Variants in ACAT1 observed in about 807,000 individuals in gnomAD.
ACAT1 encodes the protein acetyl-CoA acetyltransferase 1.
In ACAT1, 28 loss-of-function variants were observed where a neutral mutation model predicts 47.3. That is an observed-to-expected ratio of 0.59 (90% CI 0.44 to 0.81). The LOEUF (loss-of-function observed/expected upper bound fraction) is 0.81, where lower values mean the gene tolerates loss of function less well. Among genes scored for constraint, ACAT1 ranks in the 30% least tolerant of loss-of-function variants. The probability of loss-of-function intolerance (pLI) is 0.00; values close to 1 mark genes in which losing one functional copy is unlikely to be tolerated. For synonymous variants in ACAT1, 181 were observed against 173.6 expected (o/e 1.04, Z -0.34); for missense variants, 469 against 524.3 (o/e 0.89, Z 1.03).
intron 10 of ACAT1, among the ~76,000 whole-genome samples, chr11:108,145,563 T>C (rs754394555): frequency 3.3e-5 from 5 of 151,654 alleles, no homozygotes; most frequent in South Asian, 2.1e-4. Context: ...AAAAAGAATA[T>C]AGAACCAAGC....
At chr11:108,142,301 G>T in intron 8 of ACAT1, 136 bp from the exon 9 acceptor site, 1 of 723,214 alleles carries the variant, frequency 1.4e-6, no homozygotes. Flanking sequence ...TGTTTCCTGA[G>T]GGCAGGAATT....
Position 108,139,048 on chromosome 11 carries a change from G to A in ACAT1, c.579+7G>A, listed in dbSNP as rs1487734239. 6.2e-7 allele frequency: 1 copy of A among 1,613,992 alleles called. No individual in the cohort carries two copies. Among genetic ancestry groups the A allele is most frequent in the Non-Finnish European group, 8.5e-7 (1 of 1,179,914 alleles). ...CTACAATAAAATTCATATGGTAAAT[G>A]TGATTTTTAGTGGATAAATGCTATC... On this transcript the variant is annotated splice_region_variant and intron_variant, in intron 6 of 11. Coordinates refer to ENST00000265838, the MANE Select transcript of ACAT1 (RefSeq NM_000019.4).
At chr11:108,144,234 A>C in intron 10 of ACAT1, 187 bp downstream of exon 10, 1 of 643,838 alleles carries the variant, frequency 1.6e-6, no homozygotes, top group African/African-American at 1.8e-5. Flanking sequence ...AAAAAAAATA[A>C]AGAACAGCTC....
chr11:108,142,526 G>A lies in ACAT1; in HGVS notation c.916G>A (p.Val306Ile). The change falls in exon 9 of 12, where the codon GTT (valine) becomes ATT (isoleucine). Residue 306 changes from valine to isoleucine, a missense_variant. Transcript: ENST00000265838. ...GGCAGATGCAGCGAAGAGGCTCAAT[G>A]TTACACCACTGGCAAGAATAGTAGG... ...MTADAAKRLN[V>I]TPLARIVAFA... The A allele has an allele frequency of 6.2e-7, 1 of 1,614,130 alleles. No individual in the cohort carries two copies. Among genetic ancestry groups the A allele is most frequent in the Non-Finnish European group, 8.5e-7 (1 of 1,179,996 alleles).
At chr11:108,136,168 C>T in intron 5 of ACAT1, 1 of 585,396 alleles carries the variant, frequency 1.7e-6, no homozygotes, top group Non-Finnish European at 3.0e-6. Context: ...GATCTGAGCC[C>T]TTCATTTTTC....
At chr11:108,125,793 G>A (rs915792229) in intron 1 of ACAT1, among the ~76,000 whole-genome samples, 15 of 152,090 alleles carry the variant, frequency 9.9e-5, no homozygotes, top group Non-Finnish European at 2.1e-4. Context: ...AGGCGTGGTG[G>A]CGGGCGCTTG....
Position 108,144,218 on chromosome 11 carries a change from C to CA in ACAT1, c.1005+184dup, listed in dbSNP as rs113949535. ...GAGTAAGAGCAACAAGGATAACAAA[C>CA]AAAAAAAAAAAAATAAAGAACAGCT... is the stretch of plus-strand genomic sequence containing the variant. On this transcript the variant is annotated intron_variant, in intron 10 of 11. Transcript: ENST00000265838. 0.035 allele frequency: 16,713 copies of CA among 480,100 alleles called. 402 individuals are homozygous for CA. The highest frequency in any genetic ancestry group is 0.16 in the African/African-American group (7,065 of 44,520). 29.7% of individuals were successfully genotyped at this position (480,100 alleles called of 1,614,324 possible). A position where few individuals can be genotyped will look rare whatever the true frequency, so the allele number is the denominator to read the frequency against.
intron 1 of ACAT1, among the ~76,000 whole-genome samples, chr11:108,129,373 C>T (rs1029934818): frequency 1.3e-5 from 2 of 151,942 alleles, no homozygotes; most frequent in Non-Finnish European, 2.9e-5. Flanking sequence ...TTTCGTGTAA[C>T]GACTTTTTTT....
At chr11:108,140,898 T>G (rs1179681337) in intron 7 of ACAT1, among the ~76,000 whole-genome samples, 3 of 151,832 alleles carry the variant, frequency 2.0e-5, no homozygotes, top group Non-Finnish European at 2.9e-5. Context: ...AGAAGGGAGT[T>G]GAGGAAGAAA....
chr11:108,118,289 C>G (rs533058336), upstream of ACAT1, among the ~76,000 whole-genome samples: 2 of 151,984 alleles, frequency 1.3e-5, no homozygotes, highest in African/African-American at 2.4e-5. Flanking sequence ...TTTTAAAATA[C>G]AAACAAAAAT....
intron 1 of ACAT1, among the ~76,000 whole-genome samples, chr11:108,125,208 GT>G: frequency 6.6e-6 from 1 of 152,236 alleles, no homozygotes; most frequent in East Asian, 1.9e-4. Flanking sequence ...CACGGGCGTT[GT>G]GGAAGCTGAG....
upstream of ACAT1, among the ~76,000 whole-genome samples, chr11:108,118,647 G>A (rs1279590130): frequency 6.6e-6 from 1 of 152,226 alleles, no homozygotes; most frequent in Non-Finnish European, 1.5e-5. Flanking sequence ...TGGGATTACA[G>A]GCGTGAGCCA....
chr11:108,121,734 T>C, intron 1 of ACAT1, 56 bp downstream of exon 1: 1 of 1,527,754 alleles, frequency 6.5e-7, no homozygotes, highest in Non-Finnish European at 8.8e-7. Context: ...AGTCCCCGCC[T>C]CGGAAGCTTC....
At chr11:108,125,924 T>TAA (rs564125266) in intron 1 of ACAT1, among the ~76,000 whole-genome samples, 34 of 124,640 alleles carry the variant, frequency 2.7e-4, no homozygotes, top group Middle Eastern at 4.0e-3. Context: ...AGACTCCGTC[T>TAA]AAAAAAAAAA....
At position 108,132,853 on chromosome 11, in the gene ACAT1, CAAAAAAAA is replaced by C. The variant is rs57501370; in HGVS notation, c.120+920_120+927del. ...TGGGCAACAGAGCAAAACTCCATCT[CAAAAAAAA>C]AAAAAAAAAAAAAAAAAAAAGAAAA... On this transcript the variant is annotated intron_variant, in intron 2 of 11. Coordinates refer to ENST00000265838, the MANE Select transcript of ACAT1 (RefSeq NM_000019.4). Among the ~76,000 whole-genome samples the C allele has an allele frequency of 5.4e-3, 261 of 47,896 alleles. 1 individual carries two copies. Among genetic ancestry groups the C allele is most frequent in the African/African-American group, 0.013 (147 of 11,222 alleles). 31.4% of individuals were successfully genotyped at this position (47,896 alleles called of 152,430 possible).
At chr11:108,125,762 T>C (rs979058982) in intron 1 of ACAT1, among the ~76,000 whole-genome samples, 2 of 151,704 alleles carry the variant, frequency 1.3e-5, no homozygotes, top group Non-Finnish European at 2.9e-5. Flanking sequence ...CCTGTCTCTA[T>C]AAAAATGCAG....
chr11:108,136,022 C>A, intron 5 of ACAT1: 1 of 593,470 alleles, frequency 1.7e-6, no homozygotes, highest in Admixed American at 3.3e-5. Flanking sequence ...TTAAGTTCTA[C>A]AGGCTTTCTA....
intron 10 of ACAT1, among the ~76,000 whole-genome samples, chr11:108,144,716 AC>A (rs2077668837): frequency 1.4e-5 from 2 of 146,284 alleles, no homozygotes; most frequent in South Asian, 4.4e-4. Context: ...GAAAAAAAAA[AC>A]TGCAGAATCA....
intron 6 of ACAT1, among the ~76,000 whole-genome samples, chr11:108,139,431 A>G (rs1285632048): frequency 6.6e-6 from 1 of 151,824 alleles, no homozygotes; most frequent in Non-Finnish European, 1.5e-5. Context: ...TCTCTATTAA[A>G]AATACAAAAA....
Sources: allele counts gnomAD v4.1 joint callset (sites outside exome capture counted in the v4.1 genomes callset), GRCh38; gene constraint gnomAD v4.1.1; transcripts MANE v1.5; gene names NCBI Gene and HGNC (gene_info 2026-07-23, HGNC 2026-07-21).